The following GRID2 variants were observed in gnomAD, a reference collection of about 807,000 sequenced individuals.
GRID2 encodes glutamate ionotropic receptor delta type subunit 2.
GRID2 carries 33 observed loss-of-function variants against 114.8 expected under a neutral mutation model. The ratio of observed to expected loss-of-function variants is 0.29; its 90% CI spans 0.22 to 0.38. The LOEUF is 0.38. GRID2 is among the 10% of genes least tolerant of loss of function. The pLI is 1.00. For missense variants in GRID2, 1,184 were observed against 1,257.7 expected, an observed-to-expected ratio of 0.94 and a Z score of 0.89; for synonymous variants, 505 against 449.9, an observed-to-expected ratio of 1.12 and a Z score of -1.55.
intron 2 of GRID2, among the ~76,000 whole-genome samples, chr4:92,827,585 T>C (rs113785871): frequency 2.0e-5 from 3 of 152,174 alleles, no homozygotes; most frequent in African/African-American, 7.2e-5. Flanking sequence ...AATCATATTA[T>C]CTTAAATATG....
intron 2 of GRID2, among the ~76,000 whole-genome samples, chr4:92,608,277 G>T (rs114599660): frequency 0.023 from 3,429 of 151,784 alleles, 117 homozygotes; most frequent in African/African-American, 0.07. Flanking sequence ...TCATGATTCA[G>T]CAAGTAAAAT....
intron 13 of GRID2, among the ~76,000 whole-genome samples, chr4:93,528,816 G>T (rs1438375412): frequency 6.6e-6 from 1 of 152,134 alleles, no homozygotes; most frequent in Non-Finnish European, 1.5e-5. Flanking sequence ...ACATCCAATT[G>T]AGAATAATTT....
chr4:92,725,026 C>T (rs991319666), intron 2 of GRID2, among the ~76,000 whole-genome samples: 12 of 151,974 alleles, frequency 7.9e-5, no homozygotes, highest in Admixed American at 7.2e-4. Flanking sequence ...GGGGGCTGGG[C>T]GCGGTGGTTC....
intron 8 of GRID2, among the ~76,000 whole-genome samples, chr4:93,334,726 C>G (rs1386300803): frequency 6.6e-6 from 1 of 152,042 alleles, no homozygotes; most frequent in South Asian, 2.1e-4. Context: ...GTGAGGAGTT[C>G]AACACTAGCC....
chr4:93,479,004 T>C (rs916710514), intron 11 of GRID2, among the ~76,000 whole-genome samples: 3 of 151,978 alleles, frequency 2.0e-5, no homozygotes, highest in African/African-American at 7.2e-5. Context: ...ACAGACCCAA[T>C]AGGATACATA....
At chr4:92,869,958 C>G (rs140906873) in intron 2 of GRID2, among the ~76,000 whole-genome samples, 1 of 151,772 alleles carries the variant, frequency 6.6e-6, no homozygotes, top group Non-Finnish European at 1.5e-5. Context: ...TTTTGGGAGA[C>G]CAAGGCAGAA....
intron 14 of GRID2, among the ~76,000 whole-genome samples, chr4:93,753,760 G>A (rs1732525251): frequency 6.6e-6 from 1 of 152,150 alleles, no homozygotes; most frequent in South Asian, 2.1e-4. Context: ...CATTTGGGTT[G>A]GTTCCAAGTC....
chr4:93,626,224 C>A, intron 13 of GRID2, 45 bp from the exon 14 acceptor site: 2 of 1,107,568 alleles, frequency 1.8e-6, no homozygotes, highest in Non-Finnish European at 2.7e-6. Context: ...ATTAAAATTC[C>A]AACTTTAAAC....
intron 2 of GRID2, among the ~76,000 whole-genome samples, chr4:92,802,644 A>C (rs1210999729): frequency 6.6e-6 from 1 of 151,984 alleles, no homozygotes; most frequent in South Asian, 2.1e-4. Flanking sequence ...TTTGCTTTTC[A>C]TACAATAAGG....
At chr4:93,616,597 ATATTT>A (rs1422162687) in intron 13 of GRID2, among the ~76,000 whole-genome samples, 2 of 142,442 alleles carry the variant, frequency 1.4e-5, no homozygotes, top group Non-Finnish European at 3.0e-5. Context: ...TATAAAATAA[ATATTT>A]TATTATATTT....
intron 13 of GRID2, among the ~76,000 whole-genome samples, chr4:93,559,480 G>T (rs1201483285): frequency 7.2e-5 from 11 of 152,180 alleles, no homozygotes. Flanking sequence ...ATGAAAAAAA[G>T]CTCATCATCG....
chr4:92,470,927 C>A (rs891761553), intron 1 of GRID2, among the ~76,000 whole-genome samples: 1 of 151,862 alleles, frequency 6.6e-6, no homozygotes, highest in African/African-American at 2.4e-5. Context: ...TAATTTTGAG[C>A]AATGTACATT....
At chr4:93,593,994 G>T (rs573427484) in intron 13 of GRID2, among the ~76,000 whole-genome samples, 10 of 151,864 alleles carry the variant, frequency 6.6e-5, no homozygotes, top group African/African-American at 2.4e-4. Flanking sequence ...TTTGCCTTTG[G>T]TTTGAATGTC....
chr4:93,488,260 T>C (rs1726609238), intron 11 of GRID2, among the ~76,000 whole-genome samples: 1 of 151,998 alleles, frequency 6.6e-6, no homozygotes, highest in South Asian at 2.1e-4. Flanking sequence ...ATTTTGCTTT[T>C]ACCTTTCAAA....
intron 2 of GRID2, among the ~76,000 whole-genome samples, chr4:92,993,903 C>T (rs1289477453): frequency 1.3e-5 from 2 of 152,054 alleles, no homozygotes; most frequent in East Asian, 1.9e-4. Flanking sequence ...TATCCTTGTT[C>T]CCAGGATTGT....
At chr4:93,629,519 G>A (rs547992304) in intron 14 of GRID2, among the ~76,000 whole-genome samples, 1 of 152,238 alleles carries the variant, frequency 6.6e-6, no homozygotes, top group South Asian at 2.1e-4. Flanking sequence ...TAAGGAAAAA[G>A]AGATCTTCCC....
At chr4:93,524,813 ATG>A (rs1233187706) in intron 13 of GRID2, among the ~76,000 whole-genome samples, 249 of 61,872 alleles carry the variant, frequency 4.0e-3, no homozygotes, top group East Asian at 0.039. Context: ...ATATATATAT[ATG>A]TATGTATGTA....
At chr4:92,529,357 TA>T (rs1725216145) in intron 1 of GRID2, among the ~76,000 whole-genome samples, 1 of 152,032 alleles carries the variant, frequency 6.6e-6, no homozygotes, top group Non-Finnish European at 1.5e-5. Context: ...AGAGTCTTCC[TA>T]AAGGCTGTTT....
chr4:92,542,437 C>G (rs1421966901), intron 1 of GRID2, among the ~76,000 whole-genome samples: 1 of 152,022 alleles, frequency 6.6e-6, no homozygotes, highest in African/African-American at 2.4e-5. Context: ...TGTTCCTCAG[C>G]CATAAAAAGA....
Sources: allele counts gnomAD v4.1 joint callset (sites outside exome capture counted in the v4.1 genomes callset), GRCh38; gene constraint gnomAD v4.1.1; transcripts MANE v1.5; gene names NCBI Gene and HGNC (gene_info 2026-07-23, HGNC 2026-07-21).